The following MARK1 variants were observed in gnomAD, a reference collection of about 807,000 sequenced individuals.
MARK1 encodes serine/threonine-protein kinase MARK1.
Under a neutral mutation model 96.3 loss-of-function variants are expected in MARK1, and 40 were observed. The observed-to-expected ratio is 0.42, with a 90% CI of 0.32 to 0.54. The LOEUF (loss-of-function observed/expected upper bound fraction) is 0.54, where lower values mean the gene tolerates loss of function less well. MARK1 is among the 20% of genes least tolerant of loss of function. The pLI, the probability that MARK1 is intolerant of heterozygous loss-of-function variation, is 0.16. For missense variants in MARK1, 719 were observed against 984.6 expected, an observed-to-expected ratio of 0.73 and a Z score of 3.61; for synonymous variants, 317 against 341.2, an observed-to-expected ratio of 0.93 and a Z score of 0.78.
At chr1:220,561,697 A>G (rs951517675) in intron 1 of MARK1, among the ~76,000 whole-genome samples, 3 of 152,208 alleles carry the variant, frequency 2.0e-5, no homozygotes, top group African/African-American at 7.2e-5. Flanking sequence ...AAGATCTACT[A>G]GAATAGTATA....
chr1:220,572,468 C>G (rs556801022), intron 1 of MARK1, among the ~76,000 whole-genome samples: 1 of 152,300 alleles, frequency 6.6e-6, no homozygotes, highest in East Asian at 1.9e-4. Context: ...GTCTTGAACT[C>G]CCGACCTCAG....
chr1:220,606,366 G>A (rs1355016413), intron 6 of MARK1, among the ~76,000 whole-genome samples: 1 of 152,062 alleles, frequency 6.6e-6, no homozygotes, highest in African/African-American at 2.4e-5. Flanking sequence ...CTTTTTGATG[G>A]GGTTGTTTGT....
intron 14 of MARK1, 86 bp from the exon 15 acceptor site, chr1:220,651,900 T>G: frequency 1.8e-6 from 2 of 1,125,136 alleles, no homozygotes; most frequent in Non-Finnish European, 2.5e-6. Flanking sequence ...CAGTTTAGAT[T>G]TTTTAAAATA....
At chr1:220,545,809 G>GA (rs1288602421) in intron 1 of MARK1, among the ~76,000 whole-genome samples, 1 of 152,108 alleles carries the variant, frequency 6.6e-6, no homozygotes, top group Admixed American at 6.6e-5. Flanking sequence ...TGGTAAAGGG[G>GA]AGACGCCAGT....
chr1:220,539,177 C>T (rs1660948898), intron 1 of MARK1, among the ~76,000 whole-genome samples: 1 of 150,018 alleles, frequency 6.7e-6, no homozygotes, highest in Admixed American at 6.6e-5. Flanking sequence ...CCAGTTTTTG[C>T]CCATTCAGTA....
At position 220,659,490 on chromosome 1, in the gene MARK1, C is replaced by T. The variant is rs559338560; in HGVS notation, c.2033+1656C>T. Among the ~76,000 whole-genome samples, 13 of 152,288 alleles carry T rather than the reference C, an allele frequency of 8.5e-5. No homozygotes were observed. The South Asian group carries it at 2.7e-3, about 32-fold the overall frequency. ...GCGTGCCTCCATTTCCTCACTCTAACTGCCTCATAGGGTTGTTCTGAGGGG... is the reference window on the plus strand; with the variant it reads ...GCGTGCCTCCATTTCCTCACTCTAATTGCCTCATAGGGTTGTTCTGAGGGG... On this transcript the variant is annotated intron_variant, in intron 17 of 17. Coordinates refer to ENST00000366917, the MANE Select transcript of MARK1 (RefSeq NM_018650.5).
chr1:220,598,718 G>T (rs1051735150), intron 4 of MARK1, among the ~76,000 whole-genome samples: 1 of 151,964 alleles, frequency 6.6e-6, no homozygotes, highest in African/African-American at 2.4e-5. Flanking sequence ...TTCTGGCCGG[G>T]CGTGGTGGCT....
chr1:220,601,060 G>C (rs1665709439), intron 5 of MARK1, among the ~76,000 whole-genome samples: 1 of 151,780 alleles, frequency 6.6e-6, no homozygotes, highest in African/African-American at 2.4e-5. Flanking sequence ...TGGGACTACA[G>C]GTGCCTGCCA....
At chr1:220,550,271 C>G (rs1028170490) in intron 1 of MARK1, among the ~76,000 whole-genome samples, 1 of 152,136 alleles carries the variant, frequency 6.6e-6, no homozygotes, top group South Asian at 2.1e-4. Flanking sequence ...CTTCTGTTGT[C>G]TTTTCTGAAT....
intron 5 of MARK1, among the ~76,000 whole-genome samples, chr1:220,602,643 A>G (rs1302921434): frequency 2.0e-5 from 3 of 152,168 alleles, no homozygotes; most frequent in Non-Finnish European, 4.4e-5. Flanking sequence ...CTATTACCAC[A>G]TATCTAGAAT....
At chr1:220,586,005 A>ACGCGCG (rs1228483273) in intron 3 of MARK1, among the ~76,000 whole-genome samples, 472 of 23,872 alleles carry the variant, frequency 0.02, 6 homozygotes, top group African/African-American at 0.024. Flanking sequence ...ACACACACAC[A>ACGCGCG]CACACACGCG....
intron 3 of MARK1, among the ~76,000 whole-genome samples, chr1:220,583,791 G>A (rs1664407053): frequency 6.7e-6 from 1 of 150,170 alleles, no homozygotes; most frequent in African/African-American, 2.4e-5. Flanking sequence ...TGGGACTACA[G>A]GTGCATGCAC....
chr1:220,541,181 C>T (rs1271314669), intron 1 of MARK1, among the ~76,000 whole-genome samples: 1 of 152,168 alleles, frequency 6.6e-6, no homozygotes, highest in African/African-American at 2.4e-5. Flanking sequence ...GATCTGCCCA[C>T]CTTGGCCTCC....
intron 3 of MARK1, among the ~76,000 whole-genome samples, chr1:220,586,005 A>ACGCGCGCG (rs1228483273): frequency 1.7e-3 from 41 of 23,884 alleles, no homozygotes; most frequent in Admixed American, 2.3e-3. Context: ...ACACACACAC[A>ACGCGCGCG]CACACACGCG....
chr1:220,530,978 G>C (rs1340475267), intron 1 of MARK1, among the ~76,000 whole-genome samples: 1 of 152,166 alleles, frequency 6.6e-6, no homozygotes, highest in Non-Finnish European at 1.5e-5. Context: ...GGATATAGAA[G>C]TAGTGTTTAA....
chr1:220,546,649 GAT>G (rs1661508946), intron 1 of MARK1, among the ~76,000 whole-genome samples: 1 of 152,214 alleles, frequency 6.6e-6, no homozygotes, highest in Admixed American at 6.5e-5. Context: ...GCTTTGTAAA[GAT>G]AGTGTCCAGC....
chr1:220,555,194 A>G (rs1236012105), intron 1 of MARK1, among the ~76,000 whole-genome samples: 1 of 152,156 alleles, frequency 6.6e-6, no homozygotes, highest in Non-Finnish European at 1.5e-5. Flanking sequence ...TCACAGTGGA[A>G]TTTGGGGTCT....
intron 1 of MARK1, among the ~76,000 whole-genome samples, chr1:220,572,955 T>TA (rs1271902329): frequency 6.6e-6 from 1 of 152,232 alleles, no homozygotes; most frequent in Non-Finnish European, 1.5e-5. Context: ...TATAGCACTT[T>TA]AAAAATGTTG....
chr1:220,557,946 A>C (rs1374649564), intron 1 of MARK1, among the ~76,000 whole-genome samples: 1 of 152,026 alleles, frequency 6.6e-6, no homozygotes, highest in Non-Finnish European at 1.5e-5. Flanking sequence ...CCTGGGCAAC[A>C]TGGTGAAACC....
Sources: allele counts gnomAD v4.1 joint callset (sites outside exome capture counted in the v4.1 genomes callset), GRCh38; gene constraint gnomAD v4.1.1; transcripts MANE v1.5; gene names NCBI Gene and HGNC (gene_info 2026-07-23, HGNC 2026-07-21).